The following ERP44 variants were observed in gnomAD, a reference collection of about 807,000 sequenced individuals.
ERP44 encodes endoplasmic reticulum resident protein 44.
A neutral mutation model predicts 53.4 loss-of-function variants in ERP44; 25 were observed. The ratio of observed to expected loss-of-function variants is 0.47; its 90% CI spans 0.34 to 0.65. The LOEUF is 0.65. Ranked by LOEUF, ERP44 falls within the 30% of genes least tolerant of loss-of-function variation. ERP44 has a pLI of 0.01. For missense variants in ERP44, 338 were observed against 493.2 expected, an observed-to-expected ratio of 0.69 and a Z score of 2.98; for synonymous variants, 145 against 161.2, an observed-to-expected ratio of 0.90 and a Z score of 0.76.
At chr9:100,039,417 T>C (rs1474719331) in intron 4 of ERP44, among the ~76,000 whole-genome samples, 7 of 152,082 alleles carry the variant, frequency 4.6e-5, no homozygotes, top group Admixed American at 1.3e-4. Flanking sequence ...TGGAAATTAA[T>C]ATGCTCCTGA....
At chr9:99,983,321 G>A (rs542990773) in intron 11 of ERP44, among the ~76,000 whole-genome samples, 37 of 152,028 alleles carry the variant, frequency 2.4e-4, no homozygotes, top group Middle Eastern at 3.4e-3. Context: ...CGAGGCGGGT[G>A]GATCATGAGG....
At position 100,043,291 on chromosome 9, in the gene ERP44, A is replaced by AAAAAAAAAAAAAAAAAAAAAAAAAAAAG. The variant is rs1168903331; in HGVS notation, c.286+9125_286+9126insCTTTTTTTTTTTTTTTTTTTTTTTTTTT. Among the ~76,000 whole-genome samples the AAAAAAAAAAAAAAAAAAAAAAAAAAAAG allele has an allele frequency of 3.1e-4, 23 of 74,926 alleles. 9 individuals carry two copies. Among genetic ancestry groups the AAAAAAAAAAAAAAAAAAAAAAAAAAAAG allele is most frequent in the African/African-American group, 1.2e-3 (21 of 17,162 alleles). 49.2% of individuals were successfully genotyped at this position (74,926 alleles called of 152,430 possible). A position where few individuals can be genotyped will look rare whatever the true frequency, so the allele number is the denominator to read the frequency against. Reference sequence around the variant, plus strand: ...AAAAAAAAAAAAAAAAAAAAAAAAAAGATAAATAAGACATAGTATTTGCTA... The same window carrying AAAAAAAAAAAAAAAAAAAAAAAAAAAAG: ...AAAAAAAAAAAAAAAAAAAAAAAAAAAAAAAAAAAAAAAAAAAAAAAAAAAAAGGATAAATAAGACATAGTATTTGCTA... On this transcript the variant is annotated intron_variant, in intron 4 of 11. Transcript: ENST00000262455.
At chr9:100,054,924 T>C (rs942322181) in intron 3 of ERP44, among the ~76,000 whole-genome samples, 2 of 152,188 alleles carry the variant, frequency 1.3e-5, no homozygotes, top group African/African-American at 4.8e-5. Flanking sequence ...AAACCTAATC[T>C]TCCATCTAGT....
intron 3 of ERP44, among the ~76,000 whole-genome samples, chr9:100,055,085 C>T (rs915303040): frequency 1.3e-5 from 2 of 152,046 alleles, no homozygotes; most frequent in Non-Finnish European, 2.9e-5. Context: ...CACTTACTAG[C>T]CATATGACCC....
chr9:100,015,986 G>A (rs1271242068), intron 8 of ERP44, among the ~76,000 whole-genome samples: 5 of 152,112 alleles, frequency 3.3e-5, no homozygotes, highest in African/African-American at 9.7e-5. Flanking sequence ...ACAGGTCTGC[G>A]GCCCAGGGTA....
At chr9:100,002,180 T>G (rs1830384856) in intron 10 of ERP44, among the ~76,000 whole-genome samples, 1 of 152,024 alleles carries the variant, frequency 6.6e-6, no homozygotes. Context: ...ATTTTAAATT[T>G]CTGGTGTCAT....
chr9:100,077,617 G>A lies in ERP44; in HGVS notation c.58-17445C>T, dbSNP rs754237664. On this transcript the variant is annotated intron_variant, in intron 1 of 11. Coordinates refer to ENST00000262455, the MANE Select transcript of ERP44 (RefSeq NM_015051.3). Reference sequence around the variant, plus strand: ...CACAACATTACGTTCTGCTGGCCTAGATGTCTTAGTTCCAGAGGGAGGAAT... The same window carrying A: ...CACAACATTACGTTCTGCTGGCCTAAATGTCTTAGTTCCAGAGGGAGGAAT... Among the ~76,000 whole-genome samples, 69 of 152,176 alleles carry A rather than the reference G, an allele frequency of 4.5e-4. 1 individual carries two copies. The highest frequency in any genetic ancestry group is 3.1e-4 in the Non-Finnish European group (21 of 68,040).
chr9:100,030,570 C>T (rs1410139363), intron 4 of ERP44, among the ~76,000 whole-genome samples: 1 of 152,142 alleles, frequency 6.6e-6, no homozygotes, highest in Admixed American at 6.5e-5. Flanking sequence ...GAGTTAGAGG[C>T]CCCACTCAGT....
intron 10 of ERP44, among the ~76,000 whole-genome samples, chr9:100,003,676 G>A (rs1830401048): frequency 6.6e-6 from 1 of 152,038 alleles, no homozygotes; most frequent in Non-Finnish European, 1.5e-5. Flanking sequence ...AAGAGGGTGG[G>A]TCTGAAGCCT....
At chr9:100,049,411 A>G (rs1826012779) in intron 4 of ERP44, among the ~76,000 whole-genome samples, 2 of 152,238 alleles carry the variant, frequency 1.3e-5, no homozygotes, top group Non-Finnish European at 2.9e-5. Context: ...CAAATAAATA[A>G]ACAAATTTCA....
At chr9:100,007,118 TC>T (rs1411740360) in intron 9 of ERP44, among the ~76,000 whole-genome samples, 1 of 152,244 alleles carries the variant, frequency 6.6e-6, no homozygotes, top group Non-Finnish European at 1.5e-5. Context: ...TTGACTTTCT[TC>T]CCTAACTACA....
chr9:100,040,296 A>T (rs1046258839), intron 4 of ERP44, among the ~76,000 whole-genome samples: 1 of 152,234 alleles, frequency 6.6e-6, no homozygotes, highest in African/African-American at 2.4e-5. Flanking sequence ...TCAACAGTAC[A>T]TTAGAAAGAT....
chr9:100,040,144 G>T (rs1825886433), intron 4 of ERP44, among the ~76,000 whole-genome samples: 1 of 152,080 alleles, frequency 6.6e-6, no homozygotes, highest in Non-Finnish European at 1.5e-5. Context: ...AAACAAAGGA[G>T]GAGGGAATAC....
intron 4 of ERP44, among the ~76,000 whole-genome samples, chr9:100,043,034 C>T (rs1001432745): frequency 1.7e-4 from 25 of 150,672 alleles, no homozygotes; most frequent in Non-Finnish European, 3.3e-4. Flanking sequence ...CCGAAGCGGG[C>T]GAATCATGAG....
chr9:100,016,405 T>C lies in ERP44; in HGVS notation c.679A>G (p.Met227Val), dbSNP rs758859165. ...TTGTAAGTCACATCAAAATTTGTCA[T>C]AGCTCCCAAGTACACCATATCCGGA... ...SAPDMVYLGA[M>V]TNFDVTYNWI... The change falls in exon 8 of 12, where the codon ATG becomes GTG. Residue 227 changes from methionine (M) to valine (V), a missense_variant. Met to Val is a conservative substitution (Grantham distance 21, BLOSUM62 1). Around this residue, in one of 3 missense-constraint regions of ERP44, gnomAD observed 224 missense variants for 301.4 expected, o/e 0.74. Coordinates refer to ENST00000262455, the MANE Select transcript of ERP44 (RefSeq NM_015051.3). 3 of 1,612,366 alleles carry C rather than the reference T, an allele frequency of 1.9e-6. No individual in the cohort carries two copies. The highest frequency in any genetic ancestry group is 2.2e-5 in the South Asian group (2 of 90,654).
intron 1 of ERP44, among the ~76,000 whole-genome samples, chr9:100,096,265 T>A (rs553545666): frequency 2.0e-5 from 3 of 152,132 alleles, no homozygotes; most frequent in African/African-American, 7.2e-5. Flanking sequence ...AAGATTTCTA[T>A]CCCCCTTACT....
chr9:99,984,923 A>C, intron 11 of ERP44, 44 bp downstream of exon 11: 1 of 1,262,332 alleles, frequency 7.9e-7, no homozygotes, highest in Middle Eastern at 1.9e-4. Context: ...TAACTGAAAA[A>C]GGGAAAAAAA....
At chr9:100,073,098 G>C (rs975417555) in intron 1 of ERP44, among the ~76,000 whole-genome samples, 1 of 152,094 alleles carries the variant, frequency 6.6e-6, no homozygotes, top group Non-Finnish European at 1.5e-5. Context: ...ATTTGGATCT[G>C]GTAACAGTTC....
rs571088788 is a variant in ERP44 at position 100,000,382 on chromosome 9, G to C, written c.1016+6124C>G. On this transcript the variant is annotated intron_variant, in intron 10 of 11. Transcript: ENST00000262455. ...GCCCAGGAATTTGAGGCTGCAGTGA[G>C]TTATGATTGCTCCACTGCACGCCAG... Among the ~76,000 whole-genome samples, 15 of 147,572 alleles carry C rather than the reference G, an allele frequency of 1.0e-4. No individual in the cohort carries two copies. In the South Asian group the frequency reaches 1.9e-3, roughly 19 times the overall value.
Sources: gnomAD v4.1 joint callset for allele counts (sites outside exome capture counted in the v4.1 genomes callset) on GRCh38, gnomAD v4.1.1 for gene constraint, gnomAD v4.1.1 regional missense constraint, MANE v1.5 for transcripts, NCBI Gene and HGNC (gene_info 2026-07-23, HGNC 2026-07-21) for gene names.